Variants in FMN2 observed in about 807,000 individuals in gnomAD.
FMN2 encodes the protein formin 2, also known as formin-2.
In FMN2, 51 loss-of-function variants were observed where a neutral mutation model predicts 142.3. The ratio of observed to expected loss-of-function variants is 0.36; its 90% CI spans 0.29 to 0.45. The LOEUF (loss-of-function observed/expected upper bound fraction) is 0.45, where lower values mean the gene tolerates loss of function less well. Ranked by LOEUF, FMN2 falls within the 20% of genes least tolerant of loss-of-function variation. The pLI is 1.00. For missense variants in FMN2, 1,936 were observed against 2,122.8 expected (o/e 0.91, Z 1.73); for synonymous variants, 882 against 869.8 (o/e 1.01, Z -0.25).
At chr1:240,335,138 G>A (rs1671515858) in intron 13 of FMN2, among the ~76,000 whole-genome samples, 1 of 152,178 alleles carries the variant, frequency 6.6e-6, no homozygotes, top group East Asian at 1.9e-4. Context: ...GGGACATTAT[G>A]TAGTGTGGTT....
intron 16 of FMN2, among the ~76,000 whole-genome samples, chr1:240,459,681 C>T (rs912165773): frequency 1.6e-5 from 2 of 126,048 alleles, no homozygotes; most frequent in African/African-American, 6.0e-5. Flanking sequence ...CGTGCCACTG[C>T]ACTCCAGCCT....
chr1:240,331,751 A>C (rs1007403240), intron 11 of FMN2, among the ~76,000 whole-genome samples: 1 of 152,204 alleles, frequency 6.6e-6, no homozygotes, highest in Non-Finnish European at 1.5e-5. Context: ...CATTCAATAC[A>C]TCTAACCTAG....
At chr1:240,401,430 C>G (rs12564988) in intron 15 of FMN2, among the ~76,000 whole-genome samples, 1 of 152,160 alleles carries the variant, frequency 6.6e-6, no homozygotes, top group Non-Finnish European at 1.5e-5. Flanking sequence ...GACGTTGAGA[C>G]AGAAAATACA....
At chr1:240,113,821 CTGTT>C (rs1661913886) in intron 1 of FMN2, among the ~76,000 whole-genome samples, 1 of 152,162 alleles carries the variant, frequency 6.6e-6, no homozygotes, top group Admixed American at 6.5e-5. Flanking sequence ...ATAACAAAAA[CTGTT>C]TGCCTTCCCA....
chr1:240,314,919 CAA>C (rs1291560552), intron 8 of FMN2, among the ~76,000 whole-genome samples: 1 of 152,180 alleles, frequency 6.6e-6, no homozygotes, highest in Non-Finnish European at 1.5e-5. Context: ...TAGTGGAATA[CAA>C]AAGTGTTTCC....
chr1:240,381,474 G>A (rs1450649752), intron 14 of FMN2, among the ~76,000 whole-genome samples: 1 of 152,090 alleles, frequency 6.6e-6, no homozygotes, highest in African/African-American at 2.4e-5. Context: ...CTGTCACCCA[G>A]GCTGGAGTGC....
At chr1:240,401,874 A>G (rs970307939) in intron 15 of FMN2, among the ~76,000 whole-genome samples, 4 of 152,220 alleles carry the variant, frequency 2.6e-5, no homozygotes, top group Non-Finnish European at 5.9e-5. Context: ...ATTACAAGTG[A>G]GTAAACCACA....
intron 6 of FMN2, among the ~76,000 whole-genome samples, chr1:240,232,931 T>G (rs1340404410): frequency 6.6e-6 from 1 of 152,216 alleles, no homozygotes; most frequent in Non-Finnish European, 1.5e-5. Context: ...GCTCAGATAT[T>G]TATTTTATCT....
chr1:240,471,168 A>G (rs1676794256), intron 16 of FMN2, among the ~76,000 whole-genome samples: 1 of 152,206 alleles, frequency 6.6e-6, no homozygotes, highest in Admixed American at 6.5e-5. Flanking sequence ...TATGCTTAAC[A>G]AGAAATACTA....
intron 16 of FMN2, among the ~76,000 whole-genome samples, chr1:240,450,328 T>C (rs1371557168): frequency 6.6e-6 from 1 of 152,224 alleles, no homozygotes; most frequent in Non-Finnish European, 1.5e-5. Flanking sequence ...CTTTGAATAT[T>C]GTCTTATGTG....
At position 240,448,818 on chromosome 1, in the gene FMN2, T is replaced by C. The variant is rs60748489; in HGVS notation, c.5060+10608T>C. On this transcript the variant is annotated intron_variant, in intron 16 of 17. Coordinates refer to ENST00000319653, the MANE Select transcript of FMN2 (RefSeq NM_020066.5). Reference sequence around the variant, plus strand: ...CGTGGTCAACAGAGCAAGACCCTGTTTTAAAAAAAATAGTAATTCAATATG... The same window carrying C: ...CGTGGTCAACAGAGCAAGACCCTGTCTTAAAAAAAATAGTAATTCAATATG... 4.1e-4 allele frequency among the ~76,000 whole-genome samples: 5 copies of C among 12,068 alleles called. No homozygotes were observed. The Admixed American group carries it at 6.8e-3, about 16-fold the overall frequency. The allele number at this position is 12,068 out of a possible 152,430, so 7.9% of individuals were successfully genotyped here. A position where few individuals can be genotyped will look rare whatever the true frequency, so the allele number is the denominator to read the frequency against.
At chr1:240,221,974 A>G (rs1667132891) in intron 6 of FMN2, among the ~76,000 whole-genome samples, 1 of 149,420 alleles carries the variant, frequency 6.7e-6, no homozygotes, top group Non-Finnish European at 1.5e-5. Flanking sequence ...CAACTTCCCA[A>G]GTAGCTGGGA....
chr1:240,213,687 T>C (rs771056444), intron 6 of FMN2, among the ~76,000 whole-genome samples: 1 of 152,244 alleles, frequency 6.6e-6, no homozygotes, highest in Non-Finnish European at 1.5e-5. Flanking sequence ...GGCATATGTT[T>C]ATGGAGGTAT....
At chr1:240,289,132 C>A (rs1451279292) in intron 7 of FMN2, among the ~76,000 whole-genome samples, 3 of 152,078 alleles carry the variant, frequency 2.0e-5, no homozygotes, top group African/African-American at 7.2e-5. Context: ...TAGTTTGGGG[C>A]ATCTTTACCA....
At chr1:240,361,602 A>G (rs765651188) in intron 14 of FMN2, among the ~76,000 whole-genome samples, 2 of 152,206 alleles carry the variant, frequency 1.3e-5, no homozygotes, top group Admixed American at 1.3e-4. Flanking sequence ...AGGTTTGAGT[A>G]TCTGGGTGAG....
Position 240,208,586 on chromosome 1 carries a change from G to A in FMN2, c.3774G>A (p.Gln1258=). The change falls in exon 5 of 18, where the codon CAG becomes CAA. Residue 1258 remains glutamine (Q), a synonymous_variant. Transcript: ENST00000319653. ...QVGSSTLPTP[Q]VCGFLPPPLP... ...GGAGTAGCACTTTACCAACCCCACAGGTGTGTGGATTTCTTCCTCCTCCAT... is the reference window on the plus strand; with the variant it reads ...GGAGTAGCACTTTACCAACCCCACAAGTGTGTGGATTTCTTCCTCCTCCAT... 1 of 1,613,764 alleles carries A rather than the reference G, an allele frequency of 6.2e-7. No homozygotes were observed.
chr1:240,128,406 G>A (rs150712304), intron 2 of FMN2, among the ~76,000 whole-genome samples: 306 of 152,206 alleles, frequency 2.0e-3, no homozygotes, highest in African/African-American at 6.0e-3. Flanking sequence ...ACATCACCAA[G>A]AGTTAAGCAA....
chr1:240,187,552 A>G (rs986974282), intron 3 of FMN2, among the ~76,000 whole-genome samples: 1 of 152,052 alleles, frequency 6.6e-6, no homozygotes, highest in African/African-American at 2.4e-5. Flanking sequence ...TTTTTATCCT[A>G]AAGGCCCTTT....
chr1:240,469,136 C>G (rs1676728395), intron 16 of FMN2, among the ~76,000 whole-genome samples: 1 of 152,106 alleles, frequency 6.6e-6, no homozygotes, highest in African/African-American at 2.4e-5. Context: ...TCTGGCAGCA[C>G]CGCTGGGGCT....
Sources: gnomAD v4.1 joint callset for allele counts (sites outside exome capture counted in the v4.1 genomes callset) on GRCh38, gnomAD v4.1.1 for gene constraint, MANE v1.5 for transcripts, NCBI Gene and HGNC (gene_info 2026-07-23, HGNC 2026-07-21) for gene names.